RFX3: variants seen among roughly 807,000 people sequenced by gnomAD.
RFX3 encodes the protein regulatory factor X3.
A neutral mutation model predicts 98.6 loss-of-function variants in RFX3; 14 were observed. The observed-to-expected ratio is 0.14, with a 90% confidence interval of 0.09 to 0.22. The LOEUF is 0.22. RFX3 is among the 10% of genes least tolerant of loss of function. The pLI is 1.00. For synonymous variants in RFX3, 383 were observed against 328.4 expected, an observed-to-expected ratio of 1.17 and a Z score of -1.80; for missense variants, 639 against 926.9, an observed-to-expected ratio of 0.69 and a Z score of 4.03.
chr9:3,449,389 C>A (rs1201386074), intron 1 of RFX3, among the ~76,000 whole-genome samples: 1 of 152,218 alleles, frequency 6.6e-6, no homozygotes, highest in Non-Finnish European at 1.5e-5. Flanking sequence ...ATGCACTAGT[C>A]ATGTTTGCTT....
At chr9:3,356,080 GAA>G (rs34751371) in intron 2 of RFX3, among the ~76,000 whole-genome samples, 18,355 of 149,514 alleles carry the variant, frequency 0.12, 2,121 homozygotes, top group African/African-American at 0.3. Context: ...ATATTAGGGG[GAA>G]AAAAATCTAA....
chr9:3,432,689 T>A (rs1302486885), intron 1 of RFX3, among the ~76,000 whole-genome samples: 1 of 152,172 alleles, frequency 6.6e-6, no homozygotes, highest in Non-Finnish European at 1.5e-5. Flanking sequence ...TTGAATTCCT[T>A]GAGTGCATCC....
chr9:3,287,510 G>A (rs1320160939), intron 7 of RFX3, among the ~76,000 whole-genome samples: 3 of 151,950 alleles, frequency 2.0e-5, no homozygotes, highest in East Asian at 3.9e-4. Flanking sequence ...TGAAAAAACA[G>A]AAACTATTAA....
chr9:3,319,170 G>C (rs866298554), intron 4 of RFX3, among the ~76,000 whole-genome samples: 6 of 152,200 alleles, frequency 3.9e-5, no homozygotes, highest in African/African-American at 1.4e-4. Flanking sequence ...CACTAAAACA[G>C]GCTTTTAAAG....
At chr9:3,465,974 G>C (rs1405878891) in intron 1 of RFX3, among the ~76,000 whole-genome samples, 2 of 152,142 alleles carry the variant, frequency 1.3e-5, no homozygotes, top group African/African-American at 2.4e-5. Context: ...TCAGTGGTCA[G>C]AGTAGAGACA....
intron 15 of RFX3, among the ~76,000 whole-genome samples, chr9:3,232,682 T>C (rs1430649854): frequency 6.6e-6 from 1 of 152,194 alleles, no homozygotes; most frequent in Non-Finnish European, 1.5e-5. Context: ...CTTACAGCTA[T>C]TGAAAACAAT....
intron 4 of RFX3, among the ~76,000 whole-genome samples, chr9:3,326,329 T>C (rs1831910595): frequency 6.6e-6 from 1 of 152,210 alleles, no homozygotes; most frequent in Non-Finnish European, 1.5e-5. Context: ...ATGCTGACTT[T>C]ATAAACTTTT....
chr9:3,467,331 CGT>C lies in RFX3; in HGVS notation c.-9+58414_-9+58415del, dbSNP rs35413443. 3.5e-5 allele frequency among the ~76,000 whole-genome samples: 5 copies of C among 144,918 alleles called. 1 individual carries two copies. The highest frequency in any genetic ancestry group is 7.5e-3 in the Middle Eastern group (2 of 266). ...ATATATATATGTGTGTGTGTATGTA[CGT>C]GTGTGTGTGTGTAATTAAGTCTATC... On this transcript the variant is annotated intron_variant, in intron 1 of 16. Transcript: ENST00000617270.
intron 5 of RFX3, among the ~76,000 whole-genome samples, chr9:3,297,655 A>G (rs913785514): frequency 2.0e-5 from 3 of 152,086 alleles, no homozygotes; most frequent in African/African-American, 7.2e-5. Flanking sequence ...GTAATAACTT[A>G]TATTTACAAT....
chr9:3,475,668 C>G (rs1283041563), intron 1 of RFX3, among the ~76,000 whole-genome samples: 1 of 152,202 alleles, frequency 6.6e-6, no homozygotes, highest in Non-Finnish European at 1.5e-5. Flanking sequence ...AATTTTGCTA[C>G]TGCTGCCTAA....
intron 1 of RFX3, among the ~76,000 whole-genome samples, chr9:3,457,728 C>T (rs889562343): frequency 7.9e-5 from 12 of 152,014 alleles, no homozygotes; most frequent in Non-Finnish European, 4.4e-5. Context: ...ATCATTTTTG[C>T]TTATATGGTA....
At chr9:3,388,851 T>C (rs1241894732) in intron 2 of RFX3, among the ~76,000 whole-genome samples, 1 of 152,104 alleles carries the variant, frequency 6.6e-6, no homozygotes, top group African/African-American at 2.4e-5. Flanking sequence ...CTATACCTCA[T>C]GTGTTACATT....
chr9:3,462,480 A>G (rs972715439), intron 1 of RFX3, among the ~76,000 whole-genome samples: 1 of 152,012 alleles, frequency 6.6e-6, no homozygotes, highest in African/African-American at 2.4e-5. Context: ...TTTCTAATAT[A>G]AGAGGGCAAG....
chr9:3,426,439 C>A (rs560739534), intron 1 of RFX3, among the ~76,000 whole-genome samples: 1 of 152,000 alleles, frequency 6.6e-6, no homozygotes, highest in Non-Finnish European at 1.5e-5. Flanking sequence ...GGTCCCCAAC[C>A]CCTCAACTGT....
intron 3 of RFX3, among the ~76,000 whole-genome samples, chr9:3,345,207 T>A (rs1834324644): frequency 6.6e-6 from 1 of 151,894 alleles, no homozygotes; most frequent in Non-Finnish European, 1.5e-5. Context: ...TCTATAAAGA[T>A]CACACTAGAC....
At chr9:3,400,349 TAG>T (rs1841354387) in intron 1 of RFX3, 2 of 281,126 alleles carry the variant, frequency 7.1e-6, no homozygotes, top group Non-Finnish European at 1.1e-5. Flanking sequence ...AACATAAAGC[TAG>T]AGAGTCACGG....
intron 4 of RFX3, among the ~76,000 whole-genome samples, chr9:3,311,030 AT>A (rs1829893836): frequency 6.6e-6 from 1 of 152,224 alleles, no homozygotes; most frequent in African/African-American, 2.4e-5. Flanking sequence ...AGATAGTTAA[AT>A]TTTAATTATA....
At chr9:3,480,114 G>A (rs1707626412) in intron 1 of RFX3, among the ~76,000 whole-genome samples, 1 of 152,128 alleles carries the variant, frequency 6.6e-6, no homozygotes, top group South Asian at 2.1e-4. Context: ...AAACTTACTG[G>A]CACAACAACC....
chr9:3,411,196 T>C (rs984213572), intron 1 of RFX3, among the ~76,000 whole-genome samples: 10 of 152,204 alleles, frequency 6.6e-5, no homozygotes, highest in African/African-American at 1.9e-4. Flanking sequence ...ATGAAAATTA[T>C]ATTCCCTTTC....
Sources: gnomAD v4.1 joint callset for allele counts (sites outside exome capture counted in the v4.1 genomes callset) on GRCh38, gnomAD v4.1.1 for gene constraint, MANE v1.5 for transcripts, NCBI Gene and HGNC (gene_info 2026-07-23, HGNC 2026-07-21) for gene names.